CPEB3: variants seen among roughly 807,000 people sequenced by gnomAD.
The protein encoded by CPEB3 is cytoplasmic polyadenylation element binding protein 3, also known as cytoplasmic polyadenylation element-binding protein 3.
A neutral mutation model predicts 67.2 loss-of-function variants in CPEB3; 20 were observed. The observed-to-expected ratio is 0.30, with a 90% CI of 0.21 to 0.43. The LOEUF is 0.43. CPEB3 is among the 20% of genes least tolerant of loss of function. The pLI, the probability that CPEB3 is intolerant of heterozygous loss-of-function variation, is 1.00. For missense variants in CPEB3, 746 were observed against 968.6 expected, an observed-to-expected ratio of 0.77 and a Z score of 3.05; for synonymous variants, 376 against 393.1, an observed-to-expected ratio of 0.96 and a Z score of 0.51.
At chr10:92,209,810 G>C (rs925355480) in intron 2 of CPEB3, among the ~76,000 whole-genome samples, 1 of 151,814 alleles carries the variant, frequency 6.6e-6, no homozygotes, top group South Asian at 2.1e-4. Flanking sequence ...GGTAGCAGGC[G>C]CCTGTAATCC....
At chr10:92,103,302 T>C (rs1016934844) in intron 7 of CPEB3, among the ~76,000 whole-genome samples, 1 of 152,224 alleles carries the variant, frequency 6.6e-6, no homozygotes, top group African/African-American at 2.4e-5. Flanking sequence ...ATAAACATAA[T>C]AGCTGATTCC....
At chr10:92,098,117 C>T (rs1011929806) in intron 7 of CPEB3, among the ~76,000 whole-genome samples, 4 of 118,684 alleles carry the variant, frequency 3.4e-5, no homozygotes, top group African/African-American at 9.9e-5. Context: ...GCCAAGATCG[C>T]GCCATTGCAC....
At chr10:92,059,325 C>CAAAAAAAAAAAAAAAAAAAAAAAAAAAA (rs61034093) in intron 9 of CPEB3, among the ~76,000 whole-genome samples, 24 of 101,196 alleles carry the variant, frequency 2.4e-4, no homozygotes, top group Non-Finnish European at 3.7e-4. Context: ...GAAACTCTGT[C>CAAAAAAAAAAAAAAAAAAAAAAAAAAAA]AAAAAAAAAA....
chr10:92,239,953 G>T lies in CPEB3; in HGVS notation c.398C>A (p.Thr133Asn). Residue 133 changes from threonine to asparagine, a missense_variant, in exon 2 of 10, where the codon ACC becomes AAC. Coordinates refer to ENST00000265997, the MANE Select transcript of CPEB3 (RefSeq NM_014912.5). This position sits in a 1 kb window ranked among gnomAD's most constrained non-coding sequence, Gnocchi z 6.0. ...GTGCGGGAAGTTCTGGAAGAGCATG[G>T]TCCCGTTGACTGGGGTGATCCCCTG... ...FFQGITPVNG[T>N]MLFQNFPHHV... is the part of the protein sequence containing the mutation. 6.2e-7 allele frequency: 1 copy of T among 1,613,496 alleles called. No individual in the cohort carries two copies. Among genetic ancestry groups the T allele is most frequent in the Non-Finnish European group, 8.5e-7 (1 of 1,179,708 alleles).
intron 6 of CPEB3, chr10:92,137,117 C>A: frequency 3.3e-6 from 1 of 302,968 alleles, no homozygotes; most frequent in South Asian, 4.6e-5. Flanking sequence ...TTTGCCATAT[C>A]AATTCTGCAG....
intron 1 of CPEB3, among the ~76,000 whole-genome samples, chr10:92,263,829 T>A (rs1852918141): frequency 6.6e-6 from 1 of 152,078 alleles, no homozygotes; most frequent in Non-Finnish European, 1.5e-5. Context: ...CTAGCCAGAT[T>A]TTAAAATTAG....
At chr10:92,186,495 C>A (rs971023760) in intron 3 of CPEB3, among the ~76,000 whole-genome samples, 2 of 151,194 alleles carry the variant, frequency 1.3e-5, no homozygotes, top group African/African-American at 4.9e-5. Flanking sequence ...AGTGCAGTGG[C>A]ACAATCTTGG....
intron 2 of CPEB3, among the ~76,000 whole-genome samples, chr10:92,193,173 C>T (rs1338517438): frequency 2.0e-5 from 3 of 151,960 alleles, no homozygotes; most frequent in Non-Finnish European, 2.9e-5. Context: ...GGTCACACCA[C>T]TGCATTCCAG....
At chr10:92,079,929 G>A (rs1016784412) in intron 9 of CPEB3, among the ~76,000 whole-genome samples, 14 of 151,916 alleles carry the variant, frequency 9.2e-5, no homozygotes, top group African/African-American at 1.2e-4. Flanking sequence ...GGCCAGGCGC[G>A]GTGGCTCATG....
chr10:92,141,443 G>A (rs1405046885), intron 6 of CPEB3, among the ~76,000 whole-genome samples: 1 of 146,352 alleles, frequency 6.8e-6, no homozygotes, highest in Non-Finnish European at 1.5e-5. Flanking sequence ...AGAACACATG[G>A]ACACAGGAAG....
intron 7 of CPEB3, among the ~76,000 whole-genome samples, chr10:92,098,770 C>CTTTTTTTTTT (rs984013045): frequency 1.3e-4 from 16 of 124,556 alleles, no homozygotes; most frequent in African/African-American, 1.9e-4. Flanking sequence ...TTCTTTTTTT[C>CTTTTTTTTTT]TTTTTTTTTT....
chr10:92,256,139 G>T (rs1852502071), intron 1 of CPEB3, among the ~76,000 whole-genome samples: 1 of 152,056 alleles, frequency 6.6e-6, no homozygotes, highest in South Asian at 2.1e-4. Context: ...AGTCCAACTG[G>T]TTGATAAAAC....
At chr10:92,182,450 G>T (rs1848499555) in intron 3 of CPEB3, among the ~76,000 whole-genome samples, 1 of 152,158 alleles carries the variant, frequency 6.6e-6, no homozygotes, top group African/African-American at 2.4e-5. Flanking sequence ...CTAAGCAAAT[G>T]AAGTTTTTGC....
At chr10:92,085,511 T>A (rs2133249284) in intron 8 of CPEB3, among the ~76,000 whole-genome samples, 1 of 152,310 alleles carries the variant, frequency 6.6e-6, no homozygotes, top group East Asian at 1.9e-4. Context: ...GAGCATAGCA[T>A]CCCCATGGAT....
Position 92,287,454 on chromosome 10 carries a change from GACAA to G in CPEB3, c.-12+3468_-12+3471del, listed in dbSNP as rs576945920. ...ATGTAAGACCACAAAAAACAAAGCTGACAAACAATATTGAAATTCACACAATATG... is the reference window on the plus strand; with the variant it reads ...ATGTAAGACCACAAAAAACAAAGCTGACAATATTGAAATTCACACAATATG... On this transcript the variant is annotated intron_variant, in intron 1 of 9. Coordinates refer to ENST00000265997, the MANE Select transcript of CPEB3 (RefSeq NM_014912.5). Among the ~76,000 whole-genome samples, 301 of 152,204 alleles carry G rather than the reference GACAA, an allele frequency of 2.0e-3. 1 individual carries two copies. The highest frequency in any genetic ancestry group is 7.1e-3 in the African/African-American group (293 of 41,528).
chr10:92,267,046 A>AT (rs1853090440), intron 1 of CPEB3, among the ~76,000 whole-genome samples: 1 of 152,030 alleles, frequency 6.6e-6, no homozygotes, highest in African/African-American at 2.4e-5. Context: ...AAAAAAAAAA[A>AT]GATGCTCATT....
chr10:92,102,597 A>G (rs1356318465), intron 7 of CPEB3, among the ~76,000 whole-genome samples: 1 of 152,242 alleles, frequency 6.6e-6, no homozygotes, highest in East Asian at 1.9e-4. Context: ...ACAATTCGGT[A>G]TACTGTTTCA....
intron 2 of CPEB3, among the ~76,000 whole-genome samples, chr10:92,209,992 G>A (rs1244892940): frequency 6.7e-6 from 1 of 148,398 alleles, no homozygotes; most frequent in Non-Finnish European, 1.5e-5. Flanking sequence ...ATTTCAGGAA[G>A]GAAAAAGGAG....
At chr10:92,139,725 G>C (rs142445524) in intron 6 of CPEB3, among the ~76,000 whole-genome samples, 12,401 of 152,156 alleles carry the variant, frequency 0.082, 727 homozygotes, top group East Asian at 0.19. Context: ...ATAAATGCTT[G>C]AGGTGATGAA....
Sources: allele counts gnomAD v4.1 joint callset (sites outside exome capture counted in the v4.1 genomes callset), GRCh38; gene constraint gnomAD v4.1.1; non-coding constraint Gnocchi (gnomAD v3.1); transcripts MANE v1.5; gene names NCBI Gene and HGNC (gene_info 2026-07-23, HGNC 2026-07-21).